Variants in FASTKD1 observed in about 807,000 individuals in gnomAD.
FASTKD1 encodes the protein FAST kinase domain-containing protein 1, mitochondrial.
A neutral mutation model predicts 90.9 loss-of-function variants in FASTKD1; 94 were observed. That is an observed-to-expected ratio of 1.03 (90% CI 0.88 to 1.23). The LOEUF is 1.23. Among genes scored for constraint, FASTKD1 ranks in the 50% most tolerant of loss-of-function variants. The pLI is 0.00. For synonymous variants in FASTKD1, 319 were observed against 345.8 expected, an observed-to-expected ratio of 0.92 and a Z score of 0.86; for missense variants, 945 against 993.5, an observed-to-expected ratio of 0.95 and a Z score of 0.66.
intron 6 of FASTKD1, among the ~76,000 whole-genome samples, chr2:169,556,966 C>T (rs1683346777): frequency 1.3e-5 from 2 of 151,740 alleles, no homozygotes; most frequent in South Asian, 4.2e-4. Context: ...GAGATAGTGC[C>T]ACTGCACTCC....
chr2:169,552,694 G>C (rs2683456), intron 7 of FASTKD1, among the ~76,000 whole-genome samples: 1 of 151,858 alleles, frequency 6.6e-6, no homozygotes, highest in Non-Finnish European at 1.5e-5. Flanking sequence ...GCTAAGCTAT[G>C]AGTACGCAAA....
chr2:169,534,169 A>T (rs1374136541), intron 12 of FASTKD1, among the ~76,000 whole-genome samples: 3 of 139,232 alleles, frequency 2.2e-5, no homozygotes, highest in Non-Finnish European at 4.6e-5. Flanking sequence ...GGGTGACAGA[A>T]CAAGACCCTT....
chr2:169,547,300 C>T (rs1486288966), intron 7 of FASTKD1, among the ~76,000 whole-genome samples: 1 of 152,216 alleles, frequency 6.6e-6, no homozygotes, highest in East Asian at 1.9e-4. Context: ...GTTCGGCTAT[C>T]CGGAAGCAGT....
In FASTKD1 at chr2:169,544,827, A is replaced by T. The variant is rs1242056786; in HGVS notation, c.1710T>A (p.Pro570=). 1.3e-6 allele frequency: 2 copies of T among 1,593,310 alleles called. No homozygotes were observed. The highest frequency in any genetic ancestry group is 2.2e-5 in the South Asian group (2 of 90,322). ...VAVQQIEKIH[P]FTIPAIIRPF... Reference sequence around the variant, plus strand: ...GACGAATAATAGCAGGGATTGTAAAAGGATGGATCTGTATAAAAAGAACAA... The same window carrying T: ...GACGAATAATAGCAGGGATTGTAAATGGATGGATCTGTATAAAAAGAACAA... The change falls in exon 9 of 15, where the codon CCT becomes CCA. Residue 570 remains proline (P), a synonymous_variant. Transcript: ENST00000453153.
chr2:169,540,383 T>C (rs1197417797), intron 9 of FASTKD1, among the ~76,000 whole-genome samples: 3 of 152,158 alleles, frequency 2.0e-5, no homozygotes, highest in African/African-American at 2.4e-5. Flanking sequence ...AGGAGAAGGG[T>C]ACTGTGATAA....
At chr2:169,553,137 G>A (rs867356721) in intron 7 of FASTKD1, among the ~76,000 whole-genome samples, 23 of 151,854 alleles carry the variant, frequency 1.5e-4, no homozygotes, top group Admixed American at 5.3e-4. Context: ...CCTGGGAGGC[G>A]GAGGTTGCAG....
intron 11 of FASTKD1, 39 bp downstream of exon 11, chr2:169,537,974 G>C: frequency 1.9e-6 from 3 of 1,555,556 alleles, no homozygotes; most frequent in Non-Finnish European, 2.6e-6. Flanking sequence ...ATTTACTTTA[G>C]AATCAAACTT....
chr2:169,561,723 A>C (rs982625369), intron 4 of FASTKD1, among the ~76,000 whole-genome samples: 2 of 145,584 alleles, frequency 1.4e-5, no homozygotes, highest in East Asian at 2.1e-4. Flanking sequence ...TTAATTATTA[A>C]TCTATTATAA....
intron 5 of FASTKD1, among the ~76,000 whole-genome samples, chr2:169,558,426 C>T (rs534681540): frequency 6.6e-6 from 1 of 150,786 alleles, no homozygotes; most frequent in Non-Finnish European, 1.5e-5. Flanking sequence ...CCTGCCATCA[C>T]TCCCGGCTAA....
Position 169,530,622 on chromosome 2 carries a change from G to A in FASTKD1, c.2407C>T (p.Arg803Ter), listed in dbSNP as rs148187838. 30 of 1,607,962 alleles carry A rather than the reference G, an allele frequency of 1.9e-5. No homozygotes were observed. Among genetic ancestry groups the A allele is most frequent in the East Asian group, 1.1e-4 (5 of 44,688 alleles). ...HMKGKSAMKKRHLEILGYRVI... is the reference protein window; with the variant it reads ...HMKGKSAMKK Reference sequence around the variant, plus strand: ...CGATACCCCAGAATTTCCAAATGTCGTTTTTTCATAGCAGATTTTCCTTTC... The same window carrying A: ...CGATACCCCAGAATTTCCAAATGTCATTTTTTCATAGCAGATTTTCCTTTC... Residue 803 changes from arginine (R) to a stop codon, truncating the protein, a stop_gained, in exon 14 of 15, where the codon CGA becomes TGA. Transcript: ENST00000453153. LOFTEE classifies it high-confidence loss of function.
chr2:169,564,612 ATTAAG>A (rs764071619), intron 3 of FASTKD1, among the ~76,000 whole-genome samples: 1 of 152,106 alleles, frequency 6.6e-6, no homozygotes, highest in African/African-American at 2.4e-5. Flanking sequence ...AAAATGTATA[ATTAAG>A]TTATTATTGA....
intron 1 of FASTKD1, 33 bp from the exon 2 acceptor site, chr2:169,572,204 T>C: frequency 1.8e-6 from 1 of 565,752 alleles, no homozygotes; most frequent in Non-Finnish European, 2.8e-6. Context: ...TGGTTATGCT[T>C]ACATCATTAA....
At chr2:169,539,599 C>T (rs975115289) in intron 10 of FASTKD1, among the ~76,000 whole-genome samples, 5 of 150,602 alleles carry the variant, frequency 3.3e-5, no homozygotes, top group African/African-American at 1.2e-4. Context: ...GAGATCCCAG[C>T]TCTTAAAAAA....
intron 10 of FASTKD1, among the ~76,000 whole-genome samples, chr2:169,539,283 GA>G (rs1456437116): frequency 3.4e-5 from 5 of 145,082 alleles, no homozygotes; most frequent in African/African-American, 1.3e-4. Flanking sequence ...AAAAAAAAAA[GA>G]AAAAGAAAAA....
In FASTKD1 at chr2:169,546,596, G is replaced by A. The variant is rs16857030; in HGVS notation, c.1323C>T (p.Ala441=). 105,322 of 1,613,932 alleles carry A rather than the reference G, an allele frequency of 0.065. 4,765 individuals are homozygous for A. The highest frequency in any genetic ancestry group is 0.22 in the African/African-American group (16,129 of 74,954). The change falls in exon 8 of 15, where the codon GCC becomes GCT. Residue 441 remains alanine, a synonymous_variant. Coordinates refer to ENST00000453153, the MANE Select transcript of FASTKD1 (RefSeq NM_024622.6). ...TATTTAGGTCACACTGTGGTAAAAC[G>A]GCTTCAATTCGGGATATCCCCACTT... is the stretch of plus-strand genomic sequence containing the variant. ...LDEVGISRIE[A]VLPQCDLNNL...
At chr2:169,565,847 A>G (rs1006556066) in intron 3 of FASTKD1, among the ~76,000 whole-genome samples, 5 of 152,144 alleles carry the variant, frequency 3.3e-5, no homozygotes, top group African/African-American at 9.7e-5. Flanking sequence ...CCTTGCCAGC[A>G]TTTGTTATGG....
intron 9 of FASTKD1, among the ~76,000 whole-genome samples, chr2:169,540,503 G>A (rs1684917823): frequency 6.6e-6 from 1 of 152,286 alleles, no homozygotes; most frequent in South Asian, 2.1e-4. Context: ...TTAGTAAGAA[G>A]TTTTAAAAAT....
In FASTKD1 at chr2:169,537,246, C is replaced by A; in HGVS notation, c.2169G>T (p.Thr723=). ...ACTTACCTACTTTGTGGTAATAAGGCGTAAGAACCGAGGCTTTTACACAAT... is the reference window on the plus strand; with the variant it reads ...ACTTACCTACTTTGTGGTAATAAGGAGTAAGAACCGAGGCTTTTACACAAT... ...GINCVKASVL[T]PYYHKVDFEC... is the part of the protein sequence containing the mutation. The change falls in exon 12 of 15, where the codon ACG becomes ACT. Residue 723 remains threonine, a synonymous_variant. Transcript: ENST00000453153. 6.2e-7 allele frequency: 1 copy of A among 1,607,024 alleles called. No homozygotes were observed. Among genetic ancestry groups the A allele is most frequent in the Non-Finnish European group, 8.5e-7 (1 of 1,173,994 alleles).
In FASTKD1 at chr2:169,529,100, T is replaced by C. The variant is rs557642705; in HGVS notation, c.*725A>G. On this transcript the variant is annotated 3_prime_UTR_variant, in exon 15 of 15. Coordinates refer to ENST00000453153, the MANE Select transcript of FASTKD1 (RefSeq NM_024622.6). ...CCTCTTCCCTGACCTCCAAGCTCAT[T>C]TACTGAATTCTCTATTTGATATATC... Among the ~76,000 whole-genome samples the C allele has an allele frequency of 1.3e-5, 2 of 152,308 alleles. No homozygotes were observed. Among genetic ancestry groups the C allele is most frequent in the South Asian group, 4.1e-4 (2 of 4,826 alleles).
Sources: gnomAD v4.1 joint callset for allele counts (sites outside exome capture counted in the v4.1 genomes callset) on GRCh38, gnomAD v4.1.1 for gene constraint, MANE v1.5 for transcripts, NCBI Gene and HGNC (gene_info 2026-07-23, HGNC 2026-07-21) for gene names.